HECW1: variants seen among roughly 807,000 people sequenced by gnomAD.
HECW1 encodes the protein HECT, C2 and WW domain containing E3 ubiquitin protein ligase 1.
Under a neutral mutation model 182.3 loss-of-function variants are expected in HECW1, and 61 were observed. The ratio of observed to expected loss-of-function variants is 0.33; its 90% CI spans 0.27 to 0.41. The LOEUF is 0.41. HECW1 is among the 10% of genes least tolerant of loss of function. HECW1 has a pLI of 1.00. For synonymous variants in HECW1, 859 were observed against 832.6 expected, an observed-to-expected ratio of 1.03 and a Z score of -0.55; for missense variants, 1,739 against 2,108.9, an observed-to-expected ratio of 0.82 and a Z score of 3.44.
chr7:43,171,056 T>C (rs1254535996), intron 2 of HECW1, among the ~76,000 whole-genome samples: 1 of 152,182 alleles, frequency 6.6e-6, no homozygotes, highest in Non-Finnish European at 1.5e-5. Context: ...CTGTGGTTGG[T>C]CAGATGGGAG....
At chr7:43,447,690 C>G (rs924301250) in intron 11 of HECW1, among the ~76,000 whole-genome samples, 1 of 152,220 alleles carries the variant, frequency 6.6e-6, no homozygotes, top group Non-Finnish European at 1.5e-5. Flanking sequence ...CACCAGGCTT[C>G]ACAACAGCAG....
At chr7:43,458,544 C>T (rs764161783) in intron 13 of HECW1, among the ~76,000 whole-genome samples, 42 of 152,146 alleles carry the variant, frequency 2.8e-4, no homozygotes, top group Admixed American at 7.2e-4. Flanking sequence ...TTTGCTACAT[C>T]CATCTGGACA....
At chr7:43,443,866 T>G (rs771085148) in intron 10 of HECW1, among the ~76,000 whole-genome samples, 12 of 152,226 alleles carry the variant, frequency 7.9e-5, no homozygotes, top group Non-Finnish European at 1.5e-4. Context: ...ATAACACCAC[T>G]ACTACCCTCA....
intron 2 of HECW1, among the ~76,000 whole-genome samples, chr7:43,215,455 G>A (rs1796361478): frequency 6.6e-6 from 1 of 152,172 alleles, no homozygotes; most frequent in African/African-American, 2.4e-5. Flanking sequence ...TCCTTTTGTG[G>A]CATTCTCATT....
Position 43,503,815 on chromosome 7 carries a change from A to T in HECW1, c.3631+2493A>T, listed in dbSNP as rs185444869. ...ACAGCAGTCATCATGGGGACAGGTG[A>T]TAGTACCAGCGGTAGTGAAAATCAT... On this transcript the variant is annotated intron_variant, in intron 21 of 29. Coordinates refer to ENST00000395891, the MANE Select transcript of HECW1 (RefSeq NM_015052.5). Among the ~76,000 whole-genome samples, 80 of 152,364 alleles carry T rather than the reference A, an allele frequency of 5.3e-4. 1 individual carries two copies. In the East Asian group the frequency reaches 9.8e-3, roughly 19 times the overall value.
intron 10 of HECW1, among the ~76,000 whole-genome samples, chr7:43,442,956 C>T (rs2076935050): frequency 6.6e-6 from 1 of 152,190 alleles, no homozygotes; most frequent in South Asian, 2.1e-4. Flanking sequence ...TCATCACATA[C>T]ATGAATGAAT....
In HECW1 at chr7:43,556,066, G is replaced by A. The variant is rs138691496; in HGVS notation, c.4709+1276G>A. Among the ~76,000 whole-genome samples the A allele has an allele frequency of 4.4e-3, 676 of 152,278 alleles. 6 individuals carry two copies. Among genetic ancestry groups the A allele is most frequent in the African/African-American group, 0.015 (626 of 41,534 alleles). ...GGAACCTGCAATCTAGGGAGAACAC[G>A]GCCTGATAGTAACTAATCACAGCAC... On this transcript the variant is annotated intron_variant, in intron 29 of 29. Coordinates refer to ENST00000395891, the MANE Select transcript of HECW1 (RefSeq NM_015052.5).
At chr7:43,114,461 A>C (rs1484536343) in intron 2 of HECW1, 70 bp downstream of exon 2, 1 of 1,257,452 alleles carries the variant, frequency 8.0e-7, no homozygotes, top group Non-Finnish European at 1.0e-6. Context: ...TAGAGTCCAC[A>C]TGCCCACCCT....
At chr7:43,131,910 T>C (rs1371472831) in intron 2 of HECW1, among the ~76,000 whole-genome samples, 1 of 152,206 alleles carries the variant, frequency 6.6e-6, no homozygotes, top group African/African-American at 2.4e-5. Context: ...TGCTGTCTTA[T>C]GACCGAGGAT....
At chr7:43,531,835 C>A (rs931449965) in intron 24 of HECW1, among the ~76,000 whole-genome samples, 1 of 152,206 alleles carries the variant, frequency 6.6e-6, no homozygotes, top group African/African-American at 2.4e-5. Context: ...TGCCTCTCAT[C>A]TTCCAGATCC....
chr7:43,280,845 AGGAGCAAATG>A lies in HECW1; in HGVS notation c.28-30915_28-30906del, dbSNP rs1405716148. On this transcript the variant is annotated intron_variant, in intron 3 of 29. Transcript: ENST00000395891. ...GTGGACAATAACACTCTTGCTCACT[AGGAGCAAATG>A]GGTTTGAGGAACAGGGAGAAGGCAG... Among the ~76,000 whole-genome samples, 6 of 152,286 alleles carry A rather than the reference AGGAGCAAATG, an allele frequency of 3.9e-5. No homozygotes were observed. The East Asian group carries it at 1.2e-3, about 29-fold the overall frequency.
At chr7:43,381,253 A>G (rs1313193282) in intron 6 of HECW1, among the ~76,000 whole-genome samples, 3 of 152,040 alleles carry the variant, frequency 2.0e-5, no homozygotes, top group Admixed American at 6.6e-5. Context: ...TCTTTGTTAT[A>G]TATCTTCTAC....
chr7:43,237,106 G>C (rs185181836), intron 2 of HECW1, among the ~76,000 whole-genome samples: 436 of 151,528 alleles, frequency 2.9e-3, no homozygotes, highest in Non-Finnish European at 5.0e-3. Context: ...TGGGAGGGAG[G>C]GAAGAAAGAA....
intron 17 of HECW1, among the ~76,000 whole-genome samples, chr7:43,485,103 A>T (rs989634686): frequency 6.6e-6 from 1 of 152,204 alleles, no homozygotes; most frequent in Non-Finnish European, 1.5e-5. Context: ...TGGAAGGTAC[A>T]CACCGAAAAA....
At chr7:43,506,817 A>G (rs888039546) in intron 21 of HECW1, among the ~76,000 whole-genome samples, 13 of 152,248 alleles carry the variant, frequency 8.5e-5, no homozygotes, top group Admixed American at 7.8e-4. Context: ...CTGTAATCCC[A>G]GCACTTTGGG....
At chr7:43,129,584 C>T (rs554791172) in intron 2 of HECW1, among the ~76,000 whole-genome samples, 1 of 152,194 alleles carries the variant, frequency 6.6e-6, no homozygotes, top group East Asian at 1.9e-4. Flanking sequence ...ACTGAACCTG[C>T]AATATCTCTG....
At chr7:43,505,866 A>T (rs539694187) in intron 21 of HECW1, among the ~76,000 whole-genome samples, 1 of 152,174 alleles carries the variant, frequency 6.6e-6, no homozygotes, top group Non-Finnish European at 1.5e-5. Flanking sequence ...CTTGTATTAT[A>T]TACTCATTTC....
chr7:43,451,661 A>G (rs1405280561), intron 12 of HECW1, among the ~76,000 whole-genome samples: 1 of 152,222 alleles, frequency 6.6e-6, no homozygotes, highest in Non-Finnish European at 1.5e-5. Context: ...TCTAGATACC[A>G]TTCTAGCTTT....
intron 2 of HECW1, among the ~76,000 whole-genome samples, chr7:43,138,476 G>C (rs933170318): frequency 6.6e-6 from 1 of 152,152 alleles, no homozygotes; most frequent in Admixed American, 6.5e-5. Flanking sequence ...GTTGAGGGTC[G>C]CTTTGGGGGA....
Sources: allele counts gnomAD v4.1 joint callset (sites outside exome capture counted in the v4.1 genomes callset), GRCh38; gene constraint gnomAD v4.1.1; transcripts MANE v1.5; gene names NCBI Gene and HGNC (gene_info 2026-07-23, HGNC 2026-07-21).